Variants in ANAPC7 observed in about 807,000 individuals in gnomAD.
ANAPC7 encodes the protein anaphase-promoting complex subunit 7.
A neutral mutation model predicts 63.3 loss-of-function variants in ANAPC7; 25 were observed. The observed-to-expected ratio is 0.39, with a 90% CI of 0.29 to 0.55. The LOEUF (loss-of-function observed/expected upper bound fraction) is 0.55, where lower values mean the gene tolerates loss of function less well. Among genes scored for constraint, ANAPC7 ranks in the 20% least tolerant of loss-of-function variants. The probability of loss-of-function intolerance (pLI) is 0.57; values close to 1 mark genes in which losing one functional copy is unlikely to be tolerated. For synonymous variants in ANAPC7, 241 were observed against 251.7 expected (o/e 0.96, Z 0.40); for missense variants, 516 against 691.7 (o/e 0.75, Z 2.85).
At chr12:110,386,083 A>G (rs577693205) in intron 6 of ANAPC7, among the ~76,000 whole-genome samples, 2 of 152,192 alleles carry the variant, frequency 1.3e-5, no homozygotes, top group African/African-American at 2.4e-5. Flanking sequence ...CCTCAAAAGA[A>G]AAAAAGCCAA....
At chr12:110,380,877 G>A (rs1207916204) in intron 8 of ANAPC7, among the ~76,000 whole-genome samples, 1 of 151,734 alleles carries the variant, frequency 6.6e-6, no homozygotes, top group Non-Finnish European at 1.5e-5. Flanking sequence ...GGTGGAGCCT[G>A]CAGTGAGCCG....
chr12:110,399,395 T>C (rs1284152796), intron 1 of ANAPC7, among the ~76,000 whole-genome samples: 1 of 151,608 alleles, frequency 6.6e-6, no homozygotes, highest in Non-Finnish European at 1.5e-5. Flanking sequence ...TCCCAACACT[T>C]TGGGAGGTTG....
At chr12:110,386,285 C>A in intron 6 of ANAPC7, 42 bp downstream of exon 6, 1 of 1,611,538 alleles carries the variant, frequency 6.2e-7, no homozygotes, top group Non-Finnish European at 8.5e-7. Context: ...TCTGATCCCC[C>A]CCAACAACAG....
Position 110,383,185 on chromosome 12 carries a change from T to C in ANAPC7, c.818-225A>G, listed in dbSNP as rs148268689. On this transcript the variant is annotated intron_variant, in intron 6 of 10. Coordinates refer to ENST00000455511, the MANE Select transcript of ANAPC7 (RefSeq NM_016238.3). ...TGGGCACAGTGGCTCACACCTGTAA[T>C]TCCAGCACTTTAAGAAGCCGAGGCA... is the stretch of plus-strand genomic sequence containing the variant. 1.4e-3 allele frequency: 596 copies of C among 421,400 alleles called. 4 individuals carry two copies. Among genetic ancestry groups the C allele is most frequent in the African/African-American group, 0.011 (551 of 50,022 alleles). 26.1% of individuals were successfully genotyped at this position (421,400 alleles called of 1,614,324 possible). A position where few individuals can be genotyped will look rare whatever the true frequency, so the allele number is the denominator to read the frequency against.
chr12:110,389,081 T>C (rs1432094744), intron 3 of ANAPC7, among the ~76,000 whole-genome samples: 1 of 98,316 alleles, frequency 1.0e-5, no homozygotes. Context: ...GACTCCATCT[T>C]AAAAAAAAAA....
At chr12:110,385,646 G>A (rs958069204) in intron 6 of ANAPC7, among the ~76,000 whole-genome samples, 4 of 152,204 alleles carry the variant, frequency 2.6e-5, no homozygotes. Context: ...TCATCTAAAC[G>A]CTTGGGATGG....
intron 10 of ANAPC7, chr12:110,375,562 C>T: frequency 1.2e-6 from 1 of 810,142 alleles, no homozygotes; most frequent in Non-Finnish European, 1.5e-6. Context: ...TCATTTAACC[C>T]TCATTCGATC....
chr12:110,398,420 GA>G (rs56355505), intron 1 of ANAPC7, among the ~76,000 whole-genome samples: 40,662 of 144,576 alleles, frequency 0.28, 5,751 homozygotes, highest in Admixed American at 0.35. Flanking sequence ...CCCTGTCTCA[GA>G]AAAAAAAAAA....
In ANAPC7 at chr12:110,374,209, G is replaced by A. The variant is rs1263646982; in HGVS notation, c.1633C>T (p.Leu545=). The stretch of plus-strand genomic sequence containing the variant: ...GCCGCCTCACTGTCGCTGCCCTCCA[G>A]GTCCCCTTCTTCCCCACTCCCTTCC... ...DMEGSGEEGD[L]EGSDSEAAQW... Residue 545 remains leucine, a synonymous_variant, in exon 11 of 11, where the codon CTG becomes TTG. Transcript: ENST00000455511. The A allele has an allele frequency of 6.2e-7, 1 of 1,613,844 alleles. No homozygotes were observed. The highest frequency in any genetic ancestry group is 1.3e-5 in the African/African-American group (1 of 74,922).
chr12:110,382,463 T>TAC lies in ANAPC7; in HGVS notation c.935+379_935+380insGT, dbSNP rs1882009366. On this transcript the variant is annotated intron_variant, in intron 7 of 10. Transcript: ENST00000455511. ...TTTTAAAAAAAAAAAAAAAAAAAAA[T>TAC]ATATATATATATATATATATATATA... is the stretch of plus-strand genomic sequence containing the variant. 5.2e-5 allele frequency among the ~76,000 whole-genome samples: 4 copies of TAC among 77,206 alleles called. 1 individual carries two copies. Among genetic ancestry groups the TAC allele is most frequent in the South Asian group, 4.7e-4 (1 of 2,120 alleles). 50.7% of individuals were successfully genotyped at this position (77,206 alleles called of 152,430 possible). A position where few individuals can be genotyped will look rare whatever the true frequency, so the allele number is the denominator to read the frequency against.
intron 1 of ANAPC7, among the ~76,000 whole-genome samples, chr12:110,401,938 G>A (rs1181934038): frequency 2.3e-5 from 3 of 128,300 alleles, no homozygotes; most frequent in Non-Finnish European, 3.2e-5. Flanking sequence ...CGTGCAGAGC[G>A]AGACTCCGTC....
chr12:110,386,497 C>T (rs763034314), intron 5 of ANAPC7, 28 bp from the exon 6 acceptor site: 1 of 1,574,256 alleles, frequency 6.4e-7, no homozygotes, highest in Non-Finnish European at 8.7e-7. Context: ...AACATTGAAC[C>T]TTTAAATCTA....
In ANAPC7 at chr12:110,381,312, C is replaced by T. The variant is rs115810235; in HGVS notation, c.1132+440G>A. 6.1e-3 allele frequency among the ~76,000 whole-genome samples: 928 copies of T among 152,124 alleles called. 16 individuals are homozygous for T. The highest frequency in any genetic ancestry group is 0.021 in the African/African-American group (856 of 41,482). On this transcript the variant is annotated intron_variant, in intron 8 of 10. Coordinates refer to ENST00000455511, the MANE Select transcript of ANAPC7 (RefSeq NM_016238.3). The stretch of plus-strand genomic sequence containing the variant: ...GACCCAACGTCAGGATATTGAAAAG[C>T]TTCCCCGGATGATGTTTTTTTGTTG...
chr12:110,403,230 G>A (rs931474825), intron 1 of ANAPC7, among the ~76,000 whole-genome samples: 5 of 152,170 alleles, frequency 3.3e-5, no homozygotes, highest in Non-Finnish European at 7.4e-5. Context: ...TGTGACAGTC[G>A]CGCTGCCCCG....
At chr12:110,382,496 T>TATATATATATATATATATA (rs1566264542) in intron 7 of ANAPC7, among the ~76,000 whole-genome samples, 6 of 80,042 alleles carry the variant, frequency 7.5e-5, no homozygotes, top group African/African-American at 1.9e-4. Flanking sequence ...ATATATATAT[T>TATATATATATATATATATA]TATAGAGACA....
At chr12:110,377,136 CAA>C (rs35149960) in intron 9 of ANAPC7, among the ~76,000 whole-genome samples, 10 of 46,430 alleles carry the variant, frequency 2.2e-4, no homozygotes, top group Non-Finnish European at 3.0e-4. Context: ...GATGCCGTCT[CAA>C]AAAAAAAAAA....
chr12:110,387,273 G>GAGAGAGAGAC (rs1882584905), intron 5 of ANAPC7: 5 of 129,776 alleles, frequency 3.9e-5, no homozygotes, highest in Non-Finnish European at 8.4e-5. Flanking sequence ...GAGAGAGAGA[G>GAGAGAGAGAC]AGAGAGAGAG....
In ANAPC7 at chr12:110,383,255, G is replaced by A. The variant is rs533564452; in HGVS notation, c.818-295C>T. 10 of 242,490 alleles carry A rather than the reference G, an allele frequency of 4.1e-5. No homozygotes were observed. The East Asian group carries it at 4.4e-4, about 11-fold the overall frequency. The allele number at this position is 242,490 out of a possible 1,614,324, so 15.0% of individuals were successfully genotyped here. On this transcript the variant is annotated intron_variant, in intron 6 of 10. Coordinates refer to ENST00000455511, the MANE Select transcript of ANAPC7 (RefSeq NM_016238.3). ...AGATCGAGACCATCCTGGCTAACACGGTGAAACCTCATCTCTACTGAAAAT... is the reference window on the plus strand; with the variant it reads ...AGATCGAGACCATCCTGGCTAACACAGTGAAACCTCATCTCTACTGAAAAT...
chr12:110,377,950 A>G (rs2137919981), intron 8 of ANAPC7: 2 of 546,482 alleles, frequency 3.7e-6, no homozygotes, highest in South Asian at 5.7e-5. Context: ...AGTCTGTCAT[A>G]TGGCCAAGAG....
Sources: allele counts gnomAD v4.1 joint callset (sites outside exome capture counted in the v4.1 genomes callset), GRCh38; gene constraint gnomAD v4.1.1; transcripts MANE v1.5; gene names NCBI Gene and HGNC (gene_info 2026-07-23, HGNC 2026-07-21).